The following BACH2 variants were observed in gnomAD, a reference collection of about 807,000 sequenced individuals.
The protein encoded by BACH2 is transcription regulator protein BACH2.
A neutral mutation model predicts 61.8 loss-of-function variants in BACH2; 5 were observed. The observed-to-expected ratio is 0.08, with a 90% CI of 0.04 to 0.17. The LOEUF (loss-of-function observed/expected upper bound fraction) is 0.17. BACH2 is among the 10% of genes least tolerant of loss of function. The pLI is 1.00. For missense variants in BACH2, 824 were observed against 1,091.1 expected (o/e 0.76, Z 3.45); for synonymous variants, 446 against 440.1 (o/e 1.01, Z -0.17).
intron 5 of BACH2, chr6:90,080,701 A>G (rs1431095094): frequency 1.0e-6 from 1 of 957,134 alleles, no homozygotes; most frequent in Non-Finnish European, 1.2e-6. Context: ...AGTTCAACAA[A>G]ATCATCAGAA....
chr6:90,083,394 G>A (rs141889447), intron 5 of BACH2, among the ~76,000 whole-genome samples: 99 of 152,146 alleles, frequency 6.5e-4, no homozygotes, highest in African/African-American at 2.3e-3. Flanking sequence ...CAACCATGCT[G>A]GTAACATCAC....
chr6:90,090,454 G>A (rs1462018278), intron 4 of BACH2, among the ~76,000 whole-genome samples: 1 of 151,990 alleles, frequency 6.6e-6, no homozygotes, highest in Non-Finnish European at 1.5e-5. Flanking sequence ...ATGAATGCCT[G>A]GTTAATTATG....
chr6:90,269,713 C>G (rs1423072443), intron 2 of BACH2, among the ~76,000 whole-genome samples: 1 of 152,106 alleles, frequency 6.6e-6, no homozygotes, highest in Admixed American at 6.5e-5. Context: ...AATAGCAGCC[C>G]CAAGTGTGGC....
intron 3 of BACH2, among the ~76,000 whole-genome samples, chr6:90,240,996 T>C (rs760989947): frequency 3.4e-4 from 51 of 151,756 alleles, no homozygotes; most frequent in Non-Finnish European, 3.5e-4. Context: ...TAGCCAGGCG[T>C]GGTGGCGTGC....
At chr6:90,295,652 A>AGGGT (rs1772325106) in intron 1 of BACH2, among the ~76,000 whole-genome samples, 1 of 124,880 alleles carries the variant, frequency 8.0e-6, no homozygotes, top group Non-Finnish European at 1.6e-5. Context: ...ACTGGAGTGT[A>AGGGT]GGGTGTGTGT....
chr6:90,170,415 T>TAGG (rs1767772949), intron 4 of BACH2, among the ~76,000 whole-genome samples: 2 of 152,176 alleles, frequency 1.3e-5, no homozygotes, highest in South Asian at 4.1e-4. Context: ...GTAAGCTCAG[T>TAGG]AGGAGCAAGA....
chr6:90,084,476 A>G (rs532625182), intron 5 of BACH2, among the ~76,000 whole-genome samples: 16 of 150,828 alleles, frequency 1.1e-4, no homozygotes, highest in Non-Finnish European at 2.2e-4. Flanking sequence ...ATAAGCCCTT[A>G]CTTTCCTCTC....
At chr6:90,005,340 A>C (rs1007137467) in intron 6 of BACH2, among the ~76,000 whole-genome samples, 3 of 152,164 alleles carry the variant, frequency 2.0e-5, no homozygotes, top group Non-Finnish European at 4.4e-5. Flanking sequence ...TGTGACTAAG[A>C]GGAGGGCAGG....
chr6:89,978,633 T>TAAAAAA (rs753724278), intron 6 of BACH2, among the ~76,000 whole-genome samples: 4 of 86,032 alleles, frequency 4.6e-5, no homozygotes, highest in Admixed American at 1.4e-4. Flanking sequence ...GTGTTGGCTT[T>TAAAAAA]AAAAAAAAAA....
chr6:89,963,608 G>GAGAT (rs1242954900), intron 6 of BACH2, among the ~76,000 whole-genome samples: 5 of 152,192 alleles, frequency 3.3e-5, no homozygotes, highest in African/African-American at 1.2e-4. Flanking sequence ...CATTGTTGAA[G>GAGAT]AGATTGCAAA....
chr6:89,934,486 T>C (rs1384217449), intron 8 of BACH2, among the ~76,000 whole-genome samples: 3 of 152,052 alleles, frequency 2.0e-5, no homozygotes, highest in African/African-American at 4.8e-5. Flanking sequence ...GGTGAAACCC[T>C]GTCTTTACTA....
rs1259633978 is a variant in BACH2 at position 90,289,350 on chromosome 6, C to T, written c.-446+7130G>A. Among the ~76,000 whole-genome samples, 4 of 152,144 alleles carry T rather than the reference C, an allele frequency of 2.6e-5. No homozygotes were observed. In the South Asian group the frequency reaches 6.2e-4, roughly 24 times the overall value. The stretch of plus-strand genomic sequence containing the variant: ...TATGCTGCGGCTTCTAGTGATCACA[C>T]CTAGCCCTGGGTTGTTCTGAGGATT... On this transcript the variant is annotated intron_variant, in intron 1 of 8. Transcript: ENST00000257749.
At chr6:89,980,891 GTTAA>G (rs1218764182) in intron 6 of BACH2, among the ~76,000 whole-genome samples, 2 of 135,746 alleles carry the variant, frequency 1.5e-5, no homozygotes, top group African/African-American at 5.5e-5. Flanking sequence ...TGTGTATGGT[GTTAA>G]TTTTCAGTTT....
intron 4 of BACH2, among the ~76,000 whole-genome samples, chr6:90,160,207 T>G (rs1220565715): frequency 2.0e-5 from 3 of 152,218 alleles, no homozygotes; most frequent in Non-Finnish European, 4.4e-5. Context: ...TATCTCTCTG[T>G]GCACGTGAGG....
chr6:89,966,836 G>A (rs188149317), intron 6 of BACH2, among the ~76,000 whole-genome samples: 6 of 152,302 alleles, frequency 3.9e-5, no homozygotes, highest in Non-Finnish European at 8.8e-5. Context: ...CAGGACTTCA[G>A]GTTGCTGGGG....
At chr6:90,035,276 TACTC>T (rs1001711777) in intron 5 of BACH2, among the ~76,000 whole-genome samples, 6 of 152,100 alleles carry the variant, frequency 3.9e-5, no homozygotes, top group Non-Finnish European at 8.8e-5. Flanking sequence ...CTGCTAGAAA[TACTC>T]ACTCTGCTCT....
At chr6:90,207,106 TTGTC>T (rs901472140) in intron 3 of BACH2, among the ~76,000 whole-genome samples, 7 of 152,002 alleles carry the variant, frequency 4.6e-5, no homozygotes, top group Admixed American at 1.3e-4. Flanking sequence ...GGGTTCTTCT[TTGTC>T]TTTTTTGTTT....
chr6:90,066,080 G>A (rs1367838892), intron 5 of BACH2, among the ~76,000 whole-genome samples: 2 of 152,152 alleles, frequency 1.3e-5, no homozygotes, highest in African/African-American at 2.4e-5. Context: ...AGCAGACTGG[G>A]AGCCTCCTGA....
chr6:90,092,299 T>TAG (rs1782200878), intron 4 of BACH2, among the ~76,000 whole-genome samples: 1 of 83,926 alleles, frequency 1.2e-5, no homozygotes, highest in African/African-American at 6.3e-5. Flanking sequence ...AAAATATATA[T>TAG]ATATATATAT....
Sources: gnomAD v4.1 joint callset for allele counts (sites outside exome capture counted in the v4.1 genomes callset) on GRCh38, gnomAD v4.1.1 for gene constraint, MANE v1.5 for transcripts, NCBI Gene and HGNC (gene_info 2026-07-23, HGNC 2026-07-21) for gene names.